AGBL4: variants seen among roughly 807,000 people sequenced by gnomAD.
AGBL4 encodes the protein cytosolic carboxypeptidase 6.
In AGBL4, 58 loss-of-function variants were observed where a neutral mutation model predicts 66.4. The ratio of observed to expected loss-of-function variants is 0.87; its 90% CI spans 0.71 to 1.09. AGBL4 has a LOEUF of 1.09. Among genes scored for constraint, AGBL4 ranks in the 50% least tolerant of loss-of-function variants. AGBL4 has a pLI of 0.00. For missense variants in AGBL4, 579 were observed against 631.0 expected (o/e 0.92, Z 0.88); for synonymous variants, 234 against 222.9 (o/e 1.05, Z -0.44).
intron 3 of AGBL4, among the ~76,000 whole-genome samples, chr1:49,352,557 G>A (rs146077136): frequency 6.6e-6 from 1 of 151,900 alleles, no homozygotes; most frequent in Non-Finnish European, 1.5e-5. Flanking sequence ...AGGGGGAATA[G>A]CAACTAGAGT....
intron 4 of AGBL4, among the ~76,000 whole-genome samples, chr1:49,184,765 T>C (rs1045596438): frequency 6.6e-6 from 1 of 152,352 alleles, no homozygotes; most frequent in Non-Finnish European, 1.5e-5. Flanking sequence ...GTTTTTGCAA[T>C]CAGGCACAAG....
intron 5 of AGBL4, among the ~76,000 whole-genome samples, chr1:48,939,469 A>G (rs1425963105): frequency 1.3e-5 from 2 of 152,206 alleles, no homozygotes; most frequent in South Asian, 2.1e-4. Context: ...AACAAATTCA[A>G]TTTGTTCAAA....
chr1:49,383,916 C>T (rs1347640770), intron 3 of AGBL4, among the ~76,000 whole-genome samples: 2 of 151,958 alleles, frequency 1.3e-5, no homozygotes, highest in African/African-American at 4.8e-5. Context: ...CCTGCCTCAG[C>T]CTCCTGAATA....
intron 1 of AGBL4, among the ~76,000 whole-genome samples, chr1:49,900,437 G>A (rs1399489313): frequency 6.6e-6 from 1 of 151,844 alleles, no homozygotes; most frequent in African/African-American, 2.4e-5. Context: ...TAGAGACAGG[G>A]TTTCTCCACG....
At chr1:49,961,729 G>A (rs189801427) in intron 1 of AGBL4, among the ~76,000 whole-genome samples, 1 of 152,122 alleles carries the variant, frequency 6.6e-6, no homozygotes, top group Admixed American at 6.6e-5. Context: ...CTTCAACAAT[G>A]AACTAAATAA....
At chr1:49,359,714 T>C (rs1570518266) in intron 3 of AGBL4, among the ~76,000 whole-genome samples, 1 of 152,258 alleles carries the variant, frequency 6.6e-6, no homozygotes, top group African/African-American at 2.4e-5. Flanking sequence ...ACTGATCCAG[T>C]CCTTACTTTA....
rs189812785 is a variant in AGBL4 at position 48,542,346 on chromosome 1, G to A, written c.1268-2608C>T. On this transcript the variant is annotated intron_variant, in intron 11 of 13. Transcript: ENST00000371839. ...TAGTAGAATGATTTATAATCCTTTG[G>A]GTATAAACCCAGTAATGCGATTGCT... 7.5e-4 allele frequency among the ~76,000 whole-genome samples: 114 copies of A among 152,174 alleles called. 1 individual carries two copies. The highest frequency in any genetic ancestry group is 2.3e-3 in the African/African-American group (96 of 41,502).
chr1:49,487,495 G>C (rs940482330), intron 3 of AGBL4, among the ~76,000 whole-genome samples: 1 of 151,910 alleles, frequency 6.6e-6, no homozygotes, highest in African/African-American at 2.4e-5. Flanking sequence ...AGACAAGCTA[G>C]TGAGTGAGTT....
At chr1:48,890,040 T>C (rs1451907266) in intron 5 of AGBL4, among the ~76,000 whole-genome samples, 4 of 151,742 alleles carry the variant, frequency 2.6e-5, no homozygotes. Context: ...TGTGTACCTA[T>C]GGTATACAGG....
chr1:48,651,141 T>C (rs1227821472), intron 8 of AGBL4, among the ~76,000 whole-genome samples: 1 of 152,262 alleles, frequency 6.6e-6, no homozygotes, highest in Non-Finnish European at 1.5e-5. Context: ...GCATTAATGC[T>C]TCTGGTTAGA....
chr1:49,627,509 G>C (rs1030454471), intron 3 of AGBL4, among the ~76,000 whole-genome samples: 3 of 151,992 alleles, frequency 2.0e-5, no homozygotes, highest in African/African-American at 7.2e-5. Flanking sequence ...GAATTGTCCT[G>C]GCCATTGGTC....
chr1:48,641,300 G>A (rs138435828), intron 8 of AGBL4, among the ~76,000 whole-genome samples: 2 of 152,316 alleles, frequency 1.3e-5, no homozygotes, highest in East Asian at 3.9e-4. Context: ...TGCTTAGCAT[G>A]TGGGTTGGGC....
intron 5 of AGBL4, among the ~76,000 whole-genome samples, chr1:48,940,523 C>G (rs1655877099): frequency 6.6e-6 from 1 of 152,172 alleles, no homozygotes; most frequent in Admixed American, 6.5e-5. Flanking sequence ...CCTTTGTAGG[C>G]TACAAGTAGT....
intron 3 of AGBL4, among the ~76,000 whole-genome samples, chr1:49,560,001 G>A (rs1256214050): frequency 6.6e-6 from 1 of 152,062 alleles, no homozygotes; most frequent in Non-Finnish European, 1.5e-5. Context: ...GCCTTCCCAA[G>A]AAGGACAAAT....
At chr1:49,037,096 G>A (rs1664728504) in intron 5 of AGBL4, among the ~76,000 whole-genome samples, 1 of 151,986 alleles carries the variant, frequency 6.6e-6, no homozygotes, top group African/African-American at 2.4e-5. Context: ...GAAGATGCTG[G>A]TTTTTACAGT....
At chr1:49,268,994 T>C (rs1284726044) in intron 3 of AGBL4, 1 of 152,206 alleles carries the variant, frequency 6.6e-6, no homozygotes, top group Non-Finnish European at 1.5e-5. Flanking sequence ...GGTAAAACGA[T>C]GGTACAGCAG....
At chr1:49,473,996 A>G (rs1646799218) in intron 3 of AGBL4, among the ~76,000 whole-genome samples, 1 of 151,960 alleles carries the variant, frequency 6.6e-6, no homozygotes, top group Non-Finnish European at 1.5e-5. Flanking sequence ...CTGTGTCTAC[A>G]TTTGTACCAG....
chr1:48,965,246 G>T (rs1427376073), intron 5 of AGBL4, among the ~76,000 whole-genome samples: 4 of 152,154 alleles, frequency 2.6e-5, no homozygotes, highest in African/African-American at 9.7e-5. Context: ...TTTAGGAAAA[G>T]TCAGACATTA....
At chr1:48,731,071 A>C (rs1182502582) in intron 6 of AGBL4, among the ~76,000 whole-genome samples, 1 of 152,190 alleles carries the variant, frequency 6.6e-6, no homozygotes, top group Non-Finnish European at 1.5e-5. Flanking sequence ...GTGAGCATAA[A>C]GGCTTTTCTA....
Sources: gnomAD v4.1 joint callset for allele counts (sites outside exome capture counted in the v4.1 genomes callset) on GRCh38, gnomAD v4.1.1 for gene constraint, MANE v1.5 for transcripts, NCBI Gene and HGNC (gene_info 2026-07-23, HGNC 2026-07-21) for gene names.